Variants in KCNAB1 observed in about 807,000 individuals in gnomAD.
KCNAB1 encodes voltage-gated potassium channel subunit beta-1.
Under a neutral mutation model 64.6 loss-of-function variants are expected in KCNAB1, and 35 were observed. The observed-to-expected ratio is 0.54, with a 90% confidence interval of 0.41 to 0.72. The LOEUF is 0.72. KCNAB1 is among the 30% of genes least tolerant of loss of function. The probability of loss-of-function intolerance (pLI) is 0.00; values close to 1 mark genes in which losing one functional copy is unlikely to be tolerated. For missense variants in KCNAB1, 401 were observed against 512.9 expected (o/e 0.78, Z 2.11); for synonymous variants, 177 against 183.8 (o/e 0.96, Z 0.30).
At chr3:156,242,437 A>C (rs1178613431) in intron 1 of KCNAB1, among the ~76,000 whole-genome samples, 1 of 151,904 alleles carries the variant, frequency 6.6e-6, no homozygotes, top group African/African-American at 2.4e-5. Context: ...TTTATCCCCC[A>C]CCCGCTTCCC....
chr3:156,236,198 A>G (rs1044492427), intron 1 of KCNAB1, among the ~76,000 whole-genome samples: 1 of 152,210 alleles, frequency 6.6e-6, no homozygotes, highest in Non-Finnish European at 1.5e-5. Context: ...TTTGAAAAAG[A>G]TTCTTTGTGC....
intron 1 of KCNAB1, among the ~76,000 whole-genome samples, chr3:156,377,290 A>G (rs948765156): frequency 6.6e-6 from 1 of 152,150 alleles, no homozygotes; most frequent in Non-Finnish European, 1.5e-5. Context: ...GCTGGAGGGA[A>G]AGAAGAGCAG....
chr3:156,451,311 C>G (rs543134395), intron 2 of KCNAB1, among the ~76,000 whole-genome samples: 1 of 152,298 alleles, frequency 6.6e-6, no homozygotes, highest in South Asian at 2.1e-4. Context: ...TTATACCCTA[C>G]TTTTATTTTA....
intron 1 of KCNAB1, among the ~76,000 whole-genome samples, chr3:156,122,807 TTTATAAA>T (rs1393610165): frequency 6.6e-6 from 1 of 152,230 alleles, no homozygotes; most frequent in Non-Finnish European, 1.5e-5. Context: ...ACTAACTCTA[TTTATAAA>T]TTAAATACAT....
At chr3:156,283,916 C>A (rs983770037) in intron 1 of KCNAB1, among the ~76,000 whole-genome samples, 4 of 150,974 alleles carry the variant, frequency 2.6e-5, no homozygotes, top group Admixed American at 1.3e-4. Flanking sequence ...TTTGAATGTC[C>A]TCCCGTAGCT....
chr3:156,525,338 T>C (rs1365535509), intron 12 of KCNAB1, among the ~76,000 whole-genome samples: 2 of 151,614 alleles, frequency 1.3e-5, no homozygotes, highest in African/African-American at 4.9e-5. Flanking sequence ...CCAAGGCTAA[T>C]GAGTGTGTCT....
At chr3:156,264,363 G>C in intron 1 of KCNAB1, among the ~76,000 whole-genome samples, 1 of 151,808 alleles carries the variant, frequency 6.6e-6, no homozygotes. Context: ...TTTTCATTTA[G>C]ACTATGAAGG....
intron 1 of KCNAB1, among the ~76,000 whole-genome samples, chr3:156,129,761 C>T (rs1713883938): frequency 6.6e-6 from 1 of 152,168 alleles, no homozygotes; most frequent in Non-Finnish European, 1.5e-5. Flanking sequence ...ATTTTGCCTC[C>T]CTGATCTTCC....
At chr3:156,400,057 T>A (rs1234423252) in intron 1 of KCNAB1, among the ~76,000 whole-genome samples, 1 of 152,188 alleles carries the variant, frequency 6.6e-6, no homozygotes, top group Admixed American at 6.5e-5. Context: ...TTGAGATGAA[T>A]CCACAATTAG....
chr3:156,175,450 C>T (rs1321973012), intron 1 of KCNAB1, among the ~76,000 whole-genome samples: 1 of 152,162 alleles, frequency 6.6e-6, no homozygotes, highest in Non-Finnish European at 1.5e-5. Context: ...GAAACCCTGT[C>T]TCTACTGAAA....
chr3:156,208,668 C>T (rs1714810171), intron 1 of KCNAB1, among the ~76,000 whole-genome samples: 1 of 152,218 alleles, frequency 6.6e-6, no homozygotes, highest in South Asian at 2.1e-4. Context: ...AGCTGAATTT[C>T]ATGCTGTGAG....
intron 1 of KCNAB1, among the ~76,000 whole-genome samples, chr3:156,363,022 C>T (rs1425312346): frequency 1.3e-5 from 2 of 152,194 alleles, no homozygotes; most frequent in South Asian, 2.1e-4. Context: ...ACAGAAAGAG[C>T]AGCGGAAATG....
chr3:156,260,171 C>A (rs570522160), intron 1 of KCNAB1, among the ~76,000 whole-genome samples: 1 of 152,250 alleles, frequency 6.6e-6, no homozygotes, highest in Non-Finnish European at 1.5e-5. Flanking sequence ...GACCTCCAAC[C>A]TTTGCTTCTG....
chr3:156,193,946 A>G (rs1229851254), intron 1 of KCNAB1, among the ~76,000 whole-genome samples: 2 of 152,118 alleles, frequency 1.3e-5, no homozygotes, highest in African/African-American at 4.8e-5. Context: ...AAGCATTCAT[A>G]TATCTTTAAT....
intron 1 of KCNAB1, among the ~76,000 whole-genome samples, chr3:156,239,893 A>G (rs1560152801): frequency 6.6e-6 from 1 of 152,154 alleles, no homozygotes; most frequent in Non-Finnish European, 1.5e-5. Flanking sequence ...TAGAAAAGGG[A>G]TTAAAAACAC....
intron 1 of KCNAB1, among the ~76,000 whole-genome samples, chr3:156,413,051 T>C (rs17238651): frequency 0.14 from 20,603 of 152,142 alleles, 1,594 homozygotes; most frequent in Middle Eastern, 0.18. Context: ...GAGTAGACCA[T>C]GGTAGGATTC....
intron 12 of KCNAB1, among the ~76,000 whole-genome samples, chr3:156,524,734 A>G (rs1446416696): frequency 7.8e-6 from 1 of 127,584 alleles, no homozygotes; most frequent in Non-Finnish European, 1.6e-5. Flanking sequence ...GTGACAGAGC[A>G]AGACTCCATC....
At chr3:156,265,296 A>G (rs547833795) in intron 1 of KCNAB1, among the ~76,000 whole-genome samples, 1 of 152,344 alleles carries the variant, frequency 6.6e-6, no homozygotes, top group African/African-American at 2.4e-5. Context: ...TATTTTCTCC[A>G]CAACTTGCAT....
At chr3:156,428,234 C>G (rs1055556662) in intron 2 of KCNAB1, among the ~76,000 whole-genome samples, 14 of 152,094 alleles carry the variant, frequency 9.2e-5, no homozygotes, top group African/African-American at 3.1e-4. Flanking sequence ...CAGTTGAAGG[C>G]CTGAATAAAA....
Sources: allele counts gnomAD v4.1 joint callset (sites outside exome capture counted in the v4.1 genomes callset), GRCh38; gene constraint gnomAD v4.1.1; transcripts MANE v1.5; gene names NCBI Gene and HGNC (gene_info 2026-07-23, HGNC 2026-07-21).